The following ALK variants were observed in gnomAD, a reference collection of about 807,000 sequenced individuals.
ALK encodes the protein ALK receptor tyrosine kinase, also known as ALK tyrosine kinase receptor.
A neutral mutation model predicts 163.1 loss-of-function variants in ALK; 74 were observed. That is an observed-to-expected ratio of 0.45 (90% CI 0.38 to 0.55). ALK has a LOEUF of 0.55. Among genes scored for constraint, ALK ranks in the 20% least tolerant of loss-of-function variants. The probability of loss-of-function intolerance (pLI) is 0.00; values close to 1 mark genes in which losing one functional copy is unlikely to be tolerated. For missense variants in ALK, 2,063 were observed against 2,105.3 expected (o/e 0.98, Z 0.39); for synonymous variants, 960 against 843.2 (o/e 1.14, Z -2.40).
intron 3 of ALK, among the ~76,000 whole-genome samples, chr2:29,688,870 C>T (rs371225865): frequency 6.6e-6 from 1 of 152,160 alleles, no homozygotes; most frequent in East Asian, 1.9e-4. Flanking sequence ...CTCCCATTAA[C>T]GAGATGAACT....
chr2:29,540,357 G>A (rs72794502), intron 3 of ALK, among the ~76,000 whole-genome samples: 20,928 of 152,004 alleles, frequency 0.14, 1,738 homozygotes, highest in East Asian at 0.34. Flanking sequence ...TCCTTGGCTT[G>A]GCTTTCTAGC....
rs1010341473 is a variant in ALK, at chr2:29,209,831, C to G, written c.3791G>C (p.Arg1264Thr). The change falls in exon 25 of 29, where the codon AGA becomes ACA. Residue 1264 changes from arginine to threonine, a missense_variant. Arg to Thr is a moderately conservative substitution (Grantham distance 71). This residue lies in a region of ALK where 83 missense variants were observed against 139.7 expected (regional missense o/e 0.59). Coordinates refer to ENST00000389048, the MANE Select transcript of ALK (RefSeq NM_004304.5). ...NCLLTCPGPG[R>T]VAKIGDFGMA... ...CCCGAAGTCTCCAATCTTGGCCACT[C>G]TTCCAGGGCCTGGACAGGTCAAGAG... is the stretch of plus-strand genomic sequence containing the variant. 6.2e-7 allele frequency: 1 copy of G among 1,614,186 alleles called. No homozygotes were observed. Among genetic ancestry groups the G allele is most frequent in the East Asian group, 2.2e-5 (1 of 44,872 alleles).
At chr2:29,545,113 T>C (rs947479131) in intron 3 of ALK, among the ~76,000 whole-genome samples, 1 of 152,200 alleles carries the variant, frequency 6.6e-6, no homozygotes, top group Non-Finnish European at 1.5e-5. Context: ...CTCACCACTC[T>C]GTGGATCAGG....
chr2:29,509,859 G>A (rs527879742), intron 4 of ALK, among the ~76,000 whole-genome samples: 2 of 152,300 alleles, frequency 1.3e-5, no homozygotes, highest in East Asian at 3.9e-4. Flanking sequence ...TAGAGAGGGG[G>A]CTTTATTTAC....
chr2:29,560,030 C>G (rs920397331), intron 3 of ALK, among the ~76,000 whole-genome samples: 3 of 152,104 alleles, frequency 2.0e-5, no homozygotes, highest in African/African-American at 7.2e-5. Context: ...ATTTGGAAAG[C>G]AGTTTTGAAG....
rs1429223276 is a variant in ALK, at chr2:29,275,350, C to A, written c.1912+52G>T. ...TTAGGCTGAGGAGGGGACAATGAGG[C>A]CATGGGCCATGGGGGTTGGGGGACA... On this transcript the variant is annotated intron_variant, in intron 10 of 28. Coordinates refer to ENST00000389048, the MANE Select transcript of ALK (RefSeq NM_004304.5). The A allele has an allele frequency of 2.5e-6, 4 of 1,608,158 alleles. No individual in the cohort carries two copies. In the Admixed American group the frequency reaches 5.0e-5, roughly 20 times the overall value.
chr2:29,903,923 G>T (rs909785668), intron 1 of ALK, among the ~76,000 whole-genome samples: 1 of 152,108 alleles, frequency 6.6e-6, no homozygotes, highest in African/African-American at 2.4e-5. Context: ...TAGAATCATA[G>T]GATTTTAATA....
At chr2:29,506,279 CA>C (rs1211421501) in intron 4 of ALK, among the ~76,000 whole-genome samples, 1 of 152,122 alleles carries the variant, frequency 6.6e-6, no homozygotes, top group Non-Finnish European at 1.5e-5. Context: ...TTCTATCAAA[CA>C]AGCTACAACA....
In ALK at chr2:29,829,875, G is replaced by A. The variant is rs565965759; in HGVS notation, c.667+90118C>T. Among the ~76,000 whole-genome samples, 97 of 152,278 alleles carry A rather than the reference G, an allele frequency of 6.4e-4. 1 individual carries two copies. The highest frequency in any genetic ancestry group is 2.2e-3 in the African/African-American group (92 of 41,544). On this transcript the variant is annotated intron_variant, in intron 1 of 28. Coordinates refer to ENST00000389048, the MANE Select transcript of ALK (RefSeq NM_004304.5). ...CTGGACTTTGATTTCTCTTTTTAGT[G>A]GCTACACAGCAAACCCTATGGGCTG... is the stretch of plus-strand genomic sequence containing the variant.
rs951620489 is a variant in ALK at position 29,713,840 on chromosome 2, GT to G, written c.787+3737del. Among the ~76,000 whole-genome samples the G allele has an allele frequency of 1.0e-3, 146 of 145,946 alleles. 1 individual carries two copies. The highest frequency in any genetic ancestry group is 3.4e-3 in the East Asian group (17 of 5,020). ...GAAAAAGAGTTTTGCAATGTATCAT[GT>G]TTTTTTTTTTTAAATAAATGAAAAG... On this transcript the variant is annotated intron_variant, in intron 2 of 28. Coordinates refer to ENST00000389048, the MANE Select transcript of ALK (RefSeq NM_004304.5).
chr2:29,536,225 G>C (rs560357566), intron 3 of ALK, among the ~76,000 whole-genome samples: 2 of 152,196 alleles, frequency 1.3e-5, no homozygotes, highest in Non-Finnish European at 2.9e-5. Context: ...CAGTGTTGGA[G>C]GTGAGGCCTG....
At chr2:29,676,388 TC>T (rs1677873876) in intron 3 of ALK, among the ~76,000 whole-genome samples, 1 of 152,088 alleles carries the variant, frequency 6.6e-6, no homozygotes, top group Admixed American at 6.6e-5. Flanking sequence ...TATTCTAAGT[TC>T]ATTTTTTTGT....
chr2:29,228,915 GCACCCCCCTC>G lies in ALK; in HGVS notation c.2774_2783del (p.Gly925AlafsTer11). ...ATCCTCCGCCTCCTCCACCTGAGGA[GCACCCCCCTC>G]CACCCCCTCCGAAACCCCCTCTTGT... On this transcript the variant is annotated frameshift_variant, in exon 16 of 29. Coordinates refer to ENST00000389048, the MANE Select transcript of ALK (RefSeq NM_004304.5). LOFTEE classifies it high-confidence loss of function. 3.2e-6 allele frequency: 5 copies of G among 1,577,242 alleles called. No homozygotes were observed. The highest frequency in any genetic ancestry group is 4.4e-6 in the Non-Finnish European group (5 of 1,146,806).
In ALK at chr2:29,900,995, G is replaced by GAGAGCA. The variant is rs143158227; in HGVS notation, c.667+18997_667+18998insTGCTCT. ...AAAGAAAGAAAGAGAGAGAGAGAGA[G>GAGAGCA]AGCAAGCAAGCAAGCAAGCAAGCAA... is the stretch of plus-strand genomic sequence containing the variant. On this transcript the variant is annotated intron_variant, in intron 1 of 28. Coordinates refer to ENST00000389048, the MANE Select transcript of ALK (RefSeq NM_004304.5). Among the ~76,000 whole-genome samples the GAGAGCA allele has an allele frequency of 9.6e-3, 1,429 of 148,688 alleles. 10 individuals carry two copies. Among genetic ancestry groups the GAGAGCA allele is most frequent in the African/African-American group, 0.021 (834 of 40,322 alleles).
intron 4 of ALK, among the ~76,000 whole-genome samples, chr2:29,447,274 T>G (rs1049992424): frequency 1.5e-4 from 23 of 152,200 alleles, no homozygotes; most frequent in African/African-American, 5.1e-4. Context: ...CTGCCCATCA[T>G]GATTTCTTGC....
intron 1 of ALK, among the ~76,000 whole-genome samples, chr2:29,854,611 AG>A (rs1666090493): frequency 6.6e-6 from 1 of 152,202 alleles, no homozygotes; most frequent in Non-Finnish European, 1.5e-5. Context: ...CTTTCTTTGC[AG>A]CAACACAAAA....
At chr2:29,304,493 T>TAAAAAAAAAA (rs70958256) in intron 8 of ALK, among the ~76,000 whole-genome samples, 1 of 125,436 alleles carries the variant, frequency 8.0e-6, no homozygotes, top group Non-Finnish European at 1.6e-5. Context: ...AGACTGTGTC[T>TAAAAAAAAAA]AAAAAAAAAA....
intron 8 of ALK, among the ~76,000 whole-genome samples, chr2:29,304,086 C>T (rs565339148): frequency 6.6e-6 from 1 of 152,336 alleles, no homozygotes; most frequent in African/African-American, 2.4e-5. Flanking sequence ...CTACTTCTCA[C>T]CTGTAGTTAT....
chr2:29,639,652 A>G (rs556454366), intron 3 of ALK, among the ~76,000 whole-genome samples: 55 of 152,346 alleles, frequency 3.6e-4, no homozygotes, highest in African/African-American at 1.3e-3. Context: ...AAAATTGAGC[A>G]GAGAATGTGA....
Sources: allele counts gnomAD v4.1 joint callset (sites outside exome capture counted in the v4.1 genomes callset), GRCh38; gene constraint gnomAD v4.1.1; regional missense constraint gnomAD v4.1.1; transcripts MANE v1.5; gene names NCBI Gene and HGNC (gene_info 2026-07-23, HGNC 2026-07-21).